The following DIAPH3 variants were observed in gnomAD, a reference collection of about 807,000 sequenced individuals.
DIAPH3 encodes diaphanous related formin 3, also known as protein diaphanous homolog 3.
DIAPH3 carries 117 observed loss-of-function variants against 144.3 expected under a neutral mutation model. That is an observed-to-expected ratio of 0.81 (90% CI 0.70 to 0.95). The LOEUF (loss-of-function observed/expected upper bound fraction) is 0.95. Among genes scored for constraint, DIAPH3 ranks in the 40% least tolerant of loss-of-function variants. DIAPH3 has a pLI of 0.00. For missense variants in DIAPH3, 1,421 were observed against 1,412.7 expected (o/e 1.01, Z -0.09); for synonymous variants, 519 against 488.9 (o/e 1.06, Z -0.81).
chr13:59,809,113 ACT>A (rs1441287929), intron 25 of DIAPH3, among the ~76,000 whole-genome samples: 1 of 152,136 alleles, frequency 6.6e-6, no homozygotes, highest in Non-Finnish European at 1.5e-5. Flanking sequence ...TTACTGAGAC[ACT>A]CTGTGTGATC....
chr13:60,051,372 C>A (rs1332562176), intron 4 of DIAPH3, among the ~76,000 whole-genome samples: 2 of 152,128 alleles, frequency 1.3e-5, no homozygotes, highest in African/African-American at 4.8e-5. Context: ...GTAATCCCAA[C>A]ACTTTGGGAG....
intron 20 of DIAPH3, among the ~76,000 whole-genome samples, chr13:59,909,856 C>A (rs961450124): frequency 6.6e-6 from 1 of 152,174 alleles, no homozygotes; most frequent in Non-Finnish European, 1.5e-5. Flanking sequence ...ATCTGGGAAT[C>A]CAGTTGTTTT....
At chr13:59,685,064 T>G (rs1344276113) in intron 27 of DIAPH3, among the ~76,000 whole-genome samples, 1 of 152,100 alleles carries the variant, frequency 6.6e-6, no homozygotes, top group Non-Finnish European at 1.5e-5. Flanking sequence ...ACACTTAATA[T>G]GAAGTTTGAG....
At chr13:60,066,134 C>T (rs2056955234) in intron 4 of DIAPH3, among the ~76,000 whole-genome samples, 1 of 152,030 alleles carries the variant, frequency 6.6e-6, no homozygotes, top group Admixed American at 6.6e-5. Context: ...ATTCATTAAA[C>T]ATGAAAGTAA....
intron 19 of DIAPH3, among the ~76,000 whole-genome samples, chr13:59,914,715 AC>A (rs1250156795): frequency 6.6e-6 from 1 of 152,206 alleles, no homozygotes; most frequent in Admixed American, 6.5e-5. Flanking sequence ...GAATGGTTCT[AC>A]AAGCCATAGA....
intron 9 of DIAPH3, among the ~76,000 whole-genome samples, chr13:60,004,268 G>T (rs557531568): frequency 2.0e-5 from 3 of 152,042 alleles, no homozygotes; most frequent in African/African-American, 7.2e-5. Context: ...AATAAAATGG[G>T]TACAAATAGT....
At chr13:59,965,367 G>T (rs1252819375) in intron 17 of DIAPH3, among the ~76,000 whole-genome samples, 1 of 152,066 alleles carries the variant, frequency 6.6e-6, no homozygotes, top group Admixed American at 6.5e-5. Context: ...AAGTGAATTA[G>T]ACTATTCATA....
intron 25 of DIAPH3, among the ~76,000 whole-genome samples, chr13:59,783,691 T>C (rs1023853336): frequency 6.6e-6 from 1 of 152,200 alleles, no homozygotes; most frequent in Non-Finnish European, 1.5e-5. Flanking sequence ...CCCTCATTTA[T>C]TCCCCCTAAA....
chr13:60,135,775 T>C (rs1386678432), intron 1 of DIAPH3, among the ~76,000 whole-genome samples: 1 of 152,166 alleles, frequency 6.6e-6, no homozygotes, highest in Non-Finnish European at 1.5e-5. Context: ...TGTACACACA[T>C]GCAATCTTAA....
intron 27 of DIAPH3, among the ~76,000 whole-genome samples, chr13:59,757,234 T>C (rs1347020997): frequency 1.3e-5 from 2 of 152,002 alleles, no homozygotes; most frequent in African/African-American, 2.4e-5. Context: ...ATCTCTTCAC[T>C]CCACCCAGAC....
chr13:60,104,609 G>T (rs1285923740), intron 3 of DIAPH3, among the ~76,000 whole-genome samples: 2 of 148,748 alleles, frequency 1.3e-5, no homozygotes, highest in African/African-American at 5.0e-5. Context: ...GAGAAAAAAA[G>T]AAATTTAAAT....
intron 3 of DIAPH3, among the ~76,000 whole-genome samples, chr13:60,094,502 G>A (rs1483268380): frequency 6.6e-6 from 1 of 152,202 alleles, no homozygotes; most frequent in East Asian, 1.9e-4. Context: ...AAGGGCGCCT[G>A]AGGTAAGACA....
Position 59,970,045 on chromosome 13 carries a change from T to G in DIAPH3, c.1973A>C (p.Glu658Ala). The change falls in exon 17 of 28, where the codon GAA becomes GCA. Residue 658 changes from glutamate to alanine, a missense_variant. By Grantham distance (107) the Glu-to-Ala change is moderately radical. Coordinates refer to ENST00000400324, the MANE Select transcript of DIAPH3 (RefSeq NM_001042517.2). ...TATCCAGAAACAGTTTTCAGTCATT[T>G]CATGAGGTCTGATCTACAATCAGAG... ...RLNWLKIRPH[E>A]MTENCFWIKV... 2 of 1,593,488 alleles carry G rather than the reference T, an allele frequency of 1.3e-6. No homozygotes were observed. The highest frequency in any genetic ancestry group is 1.7e-6 in the Non-Finnish European group (2 of 1,164,922).
rs555198580 is a variant in DIAPH3, at chr13:59,981,329, T to C, written c.1481-470A>G. On this transcript the variant is annotated intron_variant, in intron 13 of 27. Transcript: ENST00000400324. ...ATGAATGTGAAGATTAAATGACTGA[T>C]AATGCCAAGTGTTGGAGTTGACATG... Among the ~76,000 whole-genome samples the C allele has an allele frequency of 2.0e-5, 3 of 151,530 alleles. No homozygotes were observed. The South Asian group carries it at 6.2e-4, about 31-fold the overall frequency.
intron 1 of DIAPH3, among the ~76,000 whole-genome samples, chr13:60,153,929 C>T (rs1951911104): frequency 6.6e-6 from 1 of 152,044 alleles, no homozygotes; most frequent in South Asian, 2.1e-4. Flanking sequence ...GTTTCATCAT[C>T]CTATTATCCC....
At chr13:59,723,596 C>T (rs368221066) in intron 27 of DIAPH3, among the ~76,000 whole-genome samples, 2 of 151,550 alleles carry the variant, frequency 1.3e-5, no homozygotes, top group Non-Finnish European at 1.5e-5. Flanking sequence ...TGACACTGAT[C>T]GAAAATGATG....
intron 14 of DIAPH3, among the ~76,000 whole-genome samples, chr13:59,979,519 A>G (rs2050868452): frequency 6.6e-6 from 1 of 151,612 alleles, no homozygotes; most frequent in South Asian, 2.1e-4. Flanking sequence ...AGCAACAACA[A>G]TATTATATTC....
intron 22 of DIAPH3, among the ~76,000 whole-genome samples, chr13:59,844,967 A>C (rs2139808644): frequency 6.6e-6 from 1 of 152,250 alleles, no homozygotes; most frequent in Non-Finnish European, 1.5e-5. Context: ...ATTTTACTTG[A>C]CAAATAGTAC....
chr13:60,111,539 C>T (rs1260748168), intron 3 of DIAPH3, among the ~76,000 whole-genome samples: 3 of 152,192 alleles, frequency 2.0e-5, no homozygotes, highest in Non-Finnish European at 4.4e-5. Context: ...GTCAGATCAG[C>T]AGTGGCATTA....
Sources: gnomAD v4.1 joint callset for allele counts (sites outside exome capture counted in the v4.1 genomes callset) on GRCh38, gnomAD v4.1.1 for gene constraint, MANE v1.5 for transcripts, NCBI Gene and HGNC (gene_info 2026-07-23, HGNC 2026-07-21) for gene names.